The following PLEKHA7 variants were observed in gnomAD, a reference collection of about 807,000 sequenced individuals.
PLEKHA7 encodes the protein pleckstrin homology domain-containing family A member 7.
A neutral mutation model predicts 170.0 loss-of-function variants in PLEKHA7; 104 were observed. The ratio of observed to expected loss-of-function variants is 0.61; its 90% confidence interval spans 0.52 to 0.72. The LOEUF is 0.72. Among genes scored for constraint, PLEKHA7 ranks in the 30% least tolerant of loss-of-function variants. The pLI is 0.00. For synonymous variants in PLEKHA7, 648 were observed against 660.8 expected (o/e 0.98, Z 0.30); for missense variants, 1,615 against 1,671.7 (o/e 0.97, Z 0.59).
chr11:16,971,039 C>A lies in PLEKHA7; in HGVS notation c.221+42950G>T, dbSNP rs143421525. Among the ~76,000 whole-genome samples, 652 of 152,276 alleles carry A rather than the reference C, an allele frequency of 4.3e-3. 6 individuals are homozygous for A. The highest frequency in any genetic ancestry group is 0.014 in the African/African-American group (566 of 41,560). On this transcript the variant is annotated intron_variant, in intron 3 of 26. Transcript: ENST00000531066. ...TAATGTGGGTGTCAAACAGGTCTCC[C>A]GGACTTTTCTGATCTGAGCATAGCA...
intron 3 of PLEKHA7, among the ~76,000 whole-genome samples, chr11:16,964,648 G>A (rs1264055757): frequency 6.6e-6 from 1 of 152,214 alleles, no homozygotes; most frequent in African/African-American, 2.4e-5. Context: ...CAGACAAAAA[G>A]CATGAGGGCT....
intron 3 of PLEKHA7, among the ~76,000 whole-genome samples, chr11:17,013,540 C>T (rs1420574978): frequency 6.6e-6 from 1 of 152,188 alleles, no homozygotes; most frequent in African/African-American, 2.4e-5. Context: ...TCCTCCTAAG[C>T]GAGATTCCCC....
At chr11:16,786,025 T>C (rs1852532891) in intron 24 of PLEKHA7, among the ~76,000 whole-genome samples, 4 of 152,228 alleles carry the variant, frequency 2.6e-5, no homozygotes, top group Admixed American at 2.0e-4. Context: ...CAATTTGCCC[T>C]AAATTACAGA....
At chr11:16,997,077 C>T (rs1864386684) in intron 3 of PLEKHA7, among the ~76,000 whole-genome samples, 1 of 152,190 alleles carries the variant, frequency 6.6e-6, no homozygotes, top group Non-Finnish European at 1.5e-5. Flanking sequence ...TTTGTGGACA[C>T]ATCAGGACTG....
chr11:16,956,815 T>C (rs976109357), intron 3 of PLEKHA7, among the ~76,000 whole-genome samples: 2 of 152,188 alleles, frequency 1.3e-5, no homozygotes, highest in African/African-American at 4.8e-5. Flanking sequence ...ACCTGAGGTC[T>C]CTGGCGGTTA....
intron 3 of PLEKHA7, among the ~76,000 whole-genome samples, chr11:16,954,674 T>G (rs1861599380): frequency 1.3e-5 from 2 of 151,956 alleles, no homozygotes; most frequent in African/African-American, 4.8e-5. Context: ...AACGACATAC[T>G]TTACAGTTGT....
chr11:16,826,416 C>T lies in PLEKHA7; in HGVS notation c.1047G>A (p.Arg349=). ...EQEGEQYRSQ[R]DPLEGKRDRS... ...GGTCCCGCTTGCCCTCCAGTGGGTC[C>T]CTCTGGGAACGGTACTGCTCTCCCT... The change falls in exon 10 of 27, where the codon AGG becomes AGA. Residue 349 remains arginine, a synonymous_variant. Coordinates refer to ENST00000531066, the MANE Select transcript of PLEKHA7 (RefSeq NM_001329630.2). 6.2e-7 allele frequency: 1 copy of T among 1,614,244 alleles called. No homozygotes were observed.
chr11:16,796,128 G>A (rs1461929423), intron 17 of PLEKHA7, among the ~76,000 whole-genome samples: 1 of 151,974 alleles, frequency 6.6e-6, no homozygotes, highest in East Asian at 1.9e-4. Flanking sequence ...CAAAGTACTG[G>A]GATTACAGGC....
At chr11:16,984,576 T>C (rs1863619511) in intron 3 of PLEKHA7, among the ~76,000 whole-genome samples, 2 of 152,110 alleles carry the variant, frequency 1.3e-5, no homozygotes, top group South Asian at 4.1e-4. Context: ...CCAAATGTCA[T>C]CTCCACAAAG....
intron 23 of PLEKHA7, chr11:16,788,727 T>G: frequency 3.1e-6 from 1 of 321,486 alleles, no homozygotes; most frequent in Non-Finnish European, 6.0e-6. Flanking sequence ...TTGCTTGTGC[T>G]TCTAACCAAA....
chr11:16,947,119 T>C (rs541433717), intron 3 of PLEKHA7, among the ~76,000 whole-genome samples: 14 of 152,212 alleles, frequency 9.2e-5, no homozygotes, highest in Non-Finnish European at 2.1e-4. Flanking sequence ...TTTTCTCAGC[T>C]ACTGGGTTGT....
chr11:16,976,358 T>C (rs1254974029), intron 3 of PLEKHA7, among the ~76,000 whole-genome samples: 1 of 152,216 alleles, frequency 6.6e-6, no homozygotes, highest in African/African-American at 2.4e-5. Flanking sequence ...CTATTTAAAA[T>C]GGTTTTCTTA....
At chr11:16,860,542 G>A (rs933873772) in intron 4 of PLEKHA7, among the ~76,000 whole-genome samples, 1 of 152,138 alleles carries the variant, frequency 6.6e-6, no homozygotes, top group Non-Finnish European at 1.5e-5. Context: ...TACTTGTTGA[G>A]CACCTACTGC....
chr11:16,934,516 T>A (rs530359271), intron 3 of PLEKHA7, among the ~76,000 whole-genome samples: 1 of 152,320 alleles, frequency 6.6e-6, no homozygotes, highest in Non-Finnish European at 1.5e-5. Context: ...AGTCGCTTTT[T>A]AAAAAATGGC....
intron 3 of PLEKHA7, among the ~76,000 whole-genome samples, chr11:16,954,391 A>AT (rs1220557207): frequency 6.6e-6 from 1 of 151,984 alleles, no homozygotes; most frequent in African/African-American, 2.4e-5. Flanking sequence ...TAAATTAGCC[A>AT]TGTGTGGTAG....
At chr11:16,915,519 C>G (rs186000712) in intron 3 of PLEKHA7, among the ~76,000 whole-genome samples, 10 of 120,032 alleles carry the variant, frequency 8.3e-5, no homozygotes, top group East Asian at 6.2e-4. Flanking sequence ...CCCCTCCCCC[C>G]ACCCCACAAC....
intron 3 of PLEKHA7, among the ~76,000 whole-genome samples, chr11:16,965,852 C>T (rs1862341075): frequency 6.6e-6 from 1 of 152,176 alleles, no homozygotes; most frequent in South Asian, 2.1e-4. Flanking sequence ...GCACTCAGTG[C>T]ACTGCCTGCC....
chr11:16,936,573 A>G (rs1375671766), intron 3 of PLEKHA7, among the ~76,000 whole-genome samples: 1 of 152,120 alleles, frequency 6.6e-6, no homozygotes, highest in African/African-American at 2.4e-5. Flanking sequence ...GGCAAATCCA[A>G]TTATATTCCT....
chr11:16,915,213 C>A (rs1306006895), intron 3 of PLEKHA7, among the ~76,000 whole-genome samples: 1 of 152,212 alleles, frequency 6.6e-6, no homozygotes, highest in Non-Finnish European at 1.5e-5. Context: ...GAACTCACAA[C>A]ATCTCTGAGG....
Sources: gnomAD v4.1 joint callset for allele counts (sites outside exome capture counted in the v4.1 genomes callset) on GRCh38, gnomAD v4.1.1 for gene constraint, MANE v1.5 for transcripts, NCBI Gene and HGNC (gene_info 2026-07-23, HGNC 2026-07-21) for gene names.